Variants in RBPJ observed in about 807,000 individuals in gnomAD.
The protein encoded by RBPJ is recombining binding protein suppressor of hairless.
In RBPJ, 9 loss-of-function variants were observed where a neutral mutation model predicts 67.8. The ratio of observed to expected loss-of-function variants is 0.13; its 90% confidence interval spans 0.08 to 0.23. The LOEUF is 0.23. Among genes scored for constraint, RBPJ ranks in the 10% least tolerant of loss-of-function variants. RBPJ has a pLI of 1.00. For missense variants in RBPJ, 305 were observed against 595.6 expected, an observed-to-expected ratio of 0.51 and a Z score of 5.08; for synonymous variants, 198 against 203.3, an observed-to-expected ratio of 0.97 and a Z score of 0.22.
At chr4:26,329,612 C>T (rs1325528222) in intron 1 of RBPJ, among the ~76,000 whole-genome samples, 3 of 152,008 alleles carry the variant, frequency 2.0e-5, no homozygotes, top group South Asian at 4.2e-4. Context: ...CCTACTGGGC[C>T]GGCTGGGCGC....
the RBPJ span, among the ~76,000 whole-genome samples, chr4:26,118,811 C>CT: frequency 6.6e-6 from 1 of 152,196 alleles, no homozygotes; most frequent in African/African-American, 2.4e-5. Flanking sequence ...AAAAGGTATT[C>CT]TTTTGACTTC....
chr4:26,255,403 CAAAAAA>C (rs766336628), intron 1 of RBPJ, among the ~76,000 whole-genome samples: 1 of 34,552 alleles, frequency 2.9e-5, no homozygotes, highest in East Asian at 7.8e-4. Context: ...GACTCCGTCT[CAAAAAA>C]AAAAAAAAAA....
At chr4:26,342,592 A>C (rs931448982) in intron 1 of RBPJ, among the ~76,000 whole-genome samples, 8 of 152,180 alleles carry the variant, frequency 5.3e-5, no homozygotes, top group Non-Finnish European at 7.4e-5. Flanking sequence ...GTGCTCACTA[A>C]CCAGACAAGC....
At chr4:26,162,603 C>G (rs977936436), upstream of RBPJ, among the ~76,000 whole-genome samples, 6 of 152,188 alleles carry the variant, frequency 3.9e-5, no homozygotes, top group Non-Finnish European at 8.8e-5. Flanking sequence ...AAAGAGGTGG[C>G]ATATTATCCC....
At chr4:26,315,419 G>T (rs1722579824), upstream of RBPJ, among the ~76,000 whole-genome samples, 1 of 151,706 alleles carries the variant, frequency 6.6e-6, no homozygotes, top group African/African-American at 2.4e-5. Flanking sequence ...TTTCAAAAAG[G>T]GAGGGGGTGT....
chr4:26,233,625 T>A (rs921426248), intron 1 of RBPJ, among the ~76,000 whole-genome samples: 1 of 152,236 alleles, frequency 6.6e-6, no homozygotes, highest in African/African-American at 2.4e-5. Flanking sequence ...ACCATTGTTA[T>A]AACTCCTTTT....
intron 1 of RBPJ, among the ~76,000 whole-genome samples, chr4:26,296,238 T>C (rs1276639298): frequency 6.6e-6 from 1 of 152,196 alleles, no homozygotes; most frequent in South Asian, 2.1e-4. Context: ...CCCGCTATAA[T>C]TACAGGAACA....
At chr4:26,252,361 C>T (rs759160778) in intron 1 of RBPJ, among the ~76,000 whole-genome samples, 2 of 151,890 alleles carry the variant, frequency 1.3e-5, no homozygotes, top group Non-Finnish European at 2.9e-5. Context: ...TTTGGGAGGC[C>T]GAGGTGGACA....
rs745502517 is a variant in RBPJ, at chr4:26,412,070, G to A, written c.156-3405G>A. 7.5e-4 allele frequency among the ~76,000 whole-genome samples: 111 copies of A among 148,482 alleles called. 1 individual carries two copies. Among genetic ancestry groups the A allele is most frequent in the Non-Finnish European group, 3.3e-4 (22 of 67,416 alleles). On this transcript the variant is annotated intron_variant, in intron 3 of 10. Coordinates refer to ENST00000355476, the MANE Select transcript of RBPJ (RefSeq NM_015874.6). ...GTGGAGCTTTCAGTGAGTGGAGGTC[G>A]CGCCACTGCACTCCAGCCTGGGTGA...
At chr4:26,353,561 A>G (rs1169481171) in intron 1 of RBPJ, among the ~76,000 whole-genome samples, 5 of 152,092 alleles carry the variant, frequency 3.3e-5, no homozygotes, top group Admixed American at 2.0e-4. Context: ...TATACTTCAA[A>G]TATACTAATA....
At chr4:26,276,283 AAAAAAG>A (rs1487533470) in intron 1 of RBPJ, among the ~76,000 whole-genome samples, 2 of 151,874 alleles carry the variant, frequency 1.3e-5, no homozygotes, top group African/African-American at 4.8e-5. Flanking sequence ...AAAAAAAAAA[AAAAAAG>A]AAAAAGAAAA....
At chr4:26,314,806 T>C (rs544223787), upstream of RBPJ, among the ~76,000 whole-genome samples, 2 of 152,210 alleles carry the variant, frequency 1.3e-5, no homozygotes, top group African/African-American at 4.8e-5. Flanking sequence ...CAGACTAATA[T>C]AGTTTCCATA....
intron 1 of RBPJ, among the ~76,000 whole-genome samples, chr4:26,337,128 ATTTTTTTTT>A (rs59549393): frequency 7.4e-6 from 1 of 134,782 alleles, no homozygotes; most frequent in African/African-American, 2.7e-5. Context: ...TGCCCAGCTA[ATTTTTTTTT>A]TTTTTTTTTT....
chr4:26,245,203 ATT>A (rs869234645), intron 1 of RBPJ, among the ~76,000 whole-genome samples: 3,146 of 98,116 alleles, frequency 0.032, 38 homozygotes, highest in African/African-American at 0.1. Context: ...TCACTATTGT[ATT>A]TTTTTTTTTT....
At chr4:26,392,755 T>G (rs1410164947) in intron 2 of RBPJ, among the ~76,000 whole-genome samples, 1 of 152,222 alleles carries the variant, frequency 6.6e-6, no homozygotes, top group Non-Finnish European at 1.5e-5. Context: ...TATATATACA[T>G]GCCAAAGCTT....
chr4:26,365,573 T>C (rs1383781401), intron 1 of RBPJ, among the ~76,000 whole-genome samples: 1 of 152,236 alleles, frequency 6.6e-6, no homozygotes, highest in East Asian at 1.9e-4. Context: ...CTGTTTAGTT[T>C]TATCAAAAGA....
intron 1 of RBPJ, among the ~76,000 whole-genome samples, chr4:26,262,956 G>A (rs1309428001): frequency 6.6e-6 from 1 of 152,012 alleles, no homozygotes; most frequent in Non-Finnish European, 1.5e-5. Flanking sequence ...ATGTCATCTG[G>A]CTCCACAGAG....
chr4:26,251,837 G>A (rs1248265572), intron 1 of RBPJ, among the ~76,000 whole-genome samples: 7 of 107,318 alleles, frequency 6.5e-5, no homozygotes, highest in African/African-American at 2.6e-4. Flanking sequence ...GACAGAGCGA[G>A]ACTCCGTCTC....
At position 26,430,935 on chromosome 4, in the gene RBPJ, C is replaced by T. The variant is rs1177477910; in HGVS notation, c.1392C>T (p.Ser464=). Residue 464 remains serine (S), a synonymous_variant, in exon 11 of 11, where the codon AGC becomes AGT. Coordinates refer to ENST00000355476, the MANE Select transcript of RBPJ (RefSeq NM_015874.6). The surrounding 1 kb of genome is among the most constrained non-coding windows in gnomAD (Gnocchi z 4.1). Reference sequence around the variant, plus strand: ...CCCCTAACGAATCAAACACAAACAGCGAGGGAAGTTACACAAACGCCAGCA... The same window carrying T: ...CCCCTAACGAATCAAACACAAACAGTGAGGGAAGTTACACAAACGCCAGCA... ...QVPPNESNTN[S]EGSYTNASTN... 7.4e-6 allele frequency: 12 copies of T among 1,613,794 alleles called. No individual in the cohort carries two copies. The highest frequency in any genetic ancestry group is 1.7e-5 in the Admixed American group (1 of 59,970).
Sources: gnomAD v4.1 joint callset for allele counts (sites outside exome capture counted in the v4.1 genomes callset) on GRCh38, gnomAD v4.1.1 for gene constraint, Gnocchi (gnomAD v3.1) non-coding constraint, MANE v1.5 for transcripts, NCBI Gene and HGNC (gene_info 2026-07-23, HGNC 2026-07-21) for gene names.